SLC6A11: variants seen among roughly 807,000 people sequenced by gnomAD.
SLC6A11 encodes solute carrier family 6 member 11.
A neutral mutation model predicts 74.8 loss-of-function variants in SLC6A11; 25 were observed. The ratio of observed to expected loss-of-function variants is 0.33; its 90% CI spans 0.24 to 0.47. SLC6A11 has a LOEUF of 0.47. Among genes scored for constraint, SLC6A11 ranks in the 20% least tolerant of loss-of-function variants. The probability of loss-of-function intolerance (pLI) is 1.00; values close to 1 mark genes in which losing one functional copy is unlikely to be tolerated. For synonymous variants in SLC6A11, 330 were observed against 330.2 expected (o/e 1.00, Z 0.01); for missense variants, 574 against 837.0 (o/e 0.69, Z 3.88).
intron 4 of SLC6A11, among the ~76,000 whole-genome samples, chr3:10,833,855 G>A (rs1019874396): frequency 7.9e-5 from 12 of 152,180 alleles, no homozygotes; most frequent in Non-Finnish European, 1.5e-4. Context: ...TTAGCCAGAC[G>A]GGTATTTGTA....
At position 10,935,187 on chromosome 3, in the gene SLC6A11, G is replaced by C. The variant is rs1352308803; in HGVS notation, c.1734G>C (p.Gly578=). The part of the protein sequence containing the change: ...WICITVWKTE[G]TLPEKLQKLT... ...GCATCACAGTGTGGAAGACGGAGGG[G>C]ACACTGCCCGAGGTGAGACCGCCCC... The change falls in exon 13 of 14, where the codon GGG becomes GGC. Residue 578 remains glycine (G), a synonymous_variant. Coordinates refer to ENST00000254488, the MANE Select transcript of SLC6A11 (RefSeq NM_014229.3). 2 of 1,614,024 alleles carry C rather than the reference G, an allele frequency of 1.2e-6. No homozygotes were observed. Among genetic ancestry groups the C allele is most frequent in the African/African-American group, 2.7e-5 (2 of 74,940 alleles).
chr3:10,867,066 C>CTTTCTGGCCGTATGGG (rs1207224108), intron 5 of SLC6A11, among the ~76,000 whole-genome samples: 1 of 152,198 alleles, frequency 6.6e-6, no homozygotes, highest in Non-Finnish European at 1.5e-5. Flanking sequence ...CAGTGCCATG[C>CTTTCTGGCCGTATGGG]TTTCTGGCCG....
At chr3:10,882,849 G>A (rs1469941873) in intron 6 of SLC6A11, among the ~76,000 whole-genome samples, 1 of 152,220 alleles carries the variant, frequency 6.6e-6, no homozygotes, top group Non-Finnish European at 1.5e-5. Flanking sequence ...CCTGTGCATT[G>A]TGGGTAAGAA....
intron 6 of SLC6A11, among the ~76,000 whole-genome samples, chr3:10,898,175 G>T (rs1022864105): frequency 6.6e-6 from 1 of 152,170 alleles, no homozygotes; most frequent in Admixed American, 6.5e-5. Flanking sequence ...AGGCCTCTGG[G>T]CCTGTGATGG....
chr3:10,866,312 G>A (rs1256150496), intron 5 of SLC6A11, among the ~76,000 whole-genome samples: 1 of 152,160 alleles, frequency 6.6e-6, no homozygotes, highest in Non-Finnish European at 1.5e-5. Context: ...AGATGGCCAC[G>A]CCCACCTACA....
chr3:10,910,544 T>A (rs1466768656), intron 6 of SLC6A11, among the ~76,000 whole-genome samples: 2 of 152,130 alleles, frequency 1.3e-5, no homozygotes, highest in African/African-American at 4.8e-5. Context: ...TTCCGGTCAC[T>A]GGTGGTAAGC....
chr3:10,918,276 G>A lies in SLC6A11; in HGVS notation c.996-53G>A, dbSNP rs1175059548. On this transcript the variant is annotated intron_variant, in intron 7 of 13. Coordinates refer to ENST00000254488, the MANE Select transcript of SLC6A11 (RefSeq NM_014229.3). This position sits in a 1 kb window ranked among gnomAD's most constrained non-coding sequence, Gnocchi z 4.5. ...TGCTCGGGTGGAGAACGTTTGAGCC[G>A]TGCACCGGTTCTGCCCGCTCTGACC... is the stretch of plus-strand genomic sequence containing the variant. The A allele has an allele frequency of 1.3e-5, 20 of 1,502,964 alleles. 1 individual carries two copies. Among genetic ancestry groups the A allele is most frequent in the East Asian group, 1.0e-4 (4 of 39,288 alleles). 93.1% of individuals were successfully genotyped at this position (1,502,964 alleles called of 1,614,324 possible). A position where few individuals can be genotyped will look rare whatever the true frequency, so the allele number is the denominator to read the frequency against.
chr3:10,823,198 G>A, intron 3 of SLC6A11, 104 bp from the exon 4 acceptor site: 1 of 761,662 alleles, frequency 1.3e-6, no homozygotes, highest in Non-Finnish European at 2.3e-6. Flanking sequence ...ACCTGGAGTG[G>A]GTAGATGAAA....
intron 13 of SLC6A11, among the ~76,000 whole-genome samples, chr3:10,937,034 C>G (rs569882236): frequency 6.6e-6 from 1 of 152,100 alleles, no homozygotes; most frequent in Admixed American, 6.5e-5. Context: ...GCCTCAGTTC[C>G]CACAAAGCTG....
chr3:10,873,812 C>G (rs111210223), intron 5 of SLC6A11, among the ~76,000 whole-genome samples: 4,429 of 140,924 alleles, frequency 0.031, 239 homozygotes, highest in African/African-American at 0.11. Flanking sequence ...CCTATGCTAT[C>G]CTATCCTATC....
In SLC6A11 at chr3:10,915,002, G is replaced by T. The variant is rs1364905612; in HGVS notation, c.995+2809G>T. On this transcript the variant is annotated intron_variant, in intron 7 of 13. Coordinates refer to ENST00000254488, the MANE Select transcript of SLC6A11 (RefSeq NM_014229.3). This position sits in a 1 kb window ranked among gnomAD's most constrained non-coding sequence, Gnocchi z 4.3. ...CATCTCTTGTACTTAGTTTAGTGCTGGCTTCCATGCAGGGCAGTCAGAAAG... is the reference window on the plus strand; with the variant it reads ...CATCTCTTGTACTTAGTTTAGTGCTTGCTTCCATGCAGGGCAGTCAGAAAG... Among the ~76,000 whole-genome samples, 3 of 152,144 alleles carry T rather than the reference G, an allele frequency of 2.0e-5. No individual in the cohort carries two copies. The highest frequency in any genetic ancestry group is 7.2e-5 in the African/African-American group (3 of 41,428).
At chr3:10,843,064 A>G (rs556493594) in intron 4 of SLC6A11, among the ~76,000 whole-genome samples, 1 of 152,292 alleles carries the variant, frequency 6.6e-6, no homozygotes, top group African/African-American at 2.4e-5. Flanking sequence ...TTTGGCAGCC[A>G]GAATGGGGTT....
intron 4 of SLC6A11, among the ~76,000 whole-genome samples, chr3:10,831,305 C>T (rs1694293447): frequency 6.6e-6 from 1 of 152,160 alleles, no homozygotes; most frequent in South Asian, 2.1e-4. Context: ...GCGATATGAC[C>T]TCACTAGTTA....
rs565493286 is a variant in SLC6A11 at position 10,896,752 on chromosome 3, A to G, written c.892-15338A>G. Among the ~76,000 whole-genome samples the G allele has an allele frequency of 2.0e-4, 30 of 152,280 alleles. 1 individual carries two copies. The highest frequency in any genetic ancestry group is 6.3e-4 in the African/African-American group (26 of 41,548). On this transcript the variant is annotated intron_variant, in intron 6 of 13. Transcript: ENST00000254488. The stretch of plus-strand genomic sequence containing the variant: ...CAGGATGGGGAGCTTCATTCTTTCT[A>G]TAGTCTCCATGTGCTCTACAGGGTG...
intron 4 of SLC6A11, among the ~76,000 whole-genome samples, chr3:10,832,490 A>G (rs752748436): frequency 1.3e-5 from 2 of 152,244 alleles, no homozygotes; most frequent in Non-Finnish European, 2.9e-5. Flanking sequence ...TTCTTCTTCT[A>G]ATTGTTGAAT....
At chr3:10,831,081 C>T (rs1204864258) in intron 4 of SLC6A11, among the ~76,000 whole-genome samples, 1 of 152,218 alleles carries the variant, frequency 6.6e-6, no homozygotes, top group African/African-American at 2.4e-5. Flanking sequence ...AATTCCTCCA[C>T]AGCCTCCCAC....
chr3:10,908,195 T>A (rs1695335343), intron 6 of SLC6A11, among the ~76,000 whole-genome samples: 2 of 152,222 alleles, frequency 1.3e-5, no homozygotes, highest in African/African-American at 4.8e-5. Context: ...TACAGTGTAC[T>A]AAAAATTTGA....
intron 4 of SLC6A11, chr3:10,824,497 A>G (rs761862049): frequency 8.5e-5 from 13 of 152,164 alleles, no homozygotes; most frequent in Non-Finnish European, 1.6e-4. Context: ...CTCTCATATA[A>G]ATCTTCATAC....
chr3:10,818,784 GA>G (rs923658822), intron 1 of SLC6A11, among the ~76,000 whole-genome samples: 1 of 152,112 alleles, frequency 6.6e-6, no homozygotes, highest in Non-Finnish European at 1.5e-5. Context: ...TTTTTTCACA[GA>G]AAGGCCCAGG....
Sources: gnomAD v4.1 joint callset for allele counts (sites outside exome capture counted in the v4.1 genomes callset) on GRCh38, gnomAD v4.1.1 for gene constraint, Gnocchi (gnomAD v3.1) non-coding constraint, MANE v1.5 for transcripts, NCBI Gene and HGNC (gene_info 2026-07-23, HGNC 2026-07-21) for gene names.